MAMLD1: variants seen among roughly 807,000 people sequenced by gnomAD.
MAMLD1 encodes the protein mastermind like domain containing 1.
In MAMLD1, 14 loss-of-function variants were observed where a neutral mutation model predicts 45.0. That is an observed-to-expected ratio of 0.31 (90% CI 0.21 to 0.49). The LOEUF is 0.49. MAMLD1 is among the 20% of genes least tolerant of loss of function. The pLI, the probability that MAMLD1 is intolerant of heterozygous loss-of-function variation, is 0.99. For synonymous variants in MAMLD1, 254 were observed against 247.8 expected, an observed-to-expected ratio of 1.02 and a Z score of -0.24; for missense variants, 543 against 603.6, an observed-to-expected ratio of 0.90 and a Z score of 1.05.
rs1382710466 is a variant in MAMLD1, at chrX:150,404,066, A to AGGAG, written c.-64+40546_-64+40549dup. ...GGAAGGAAGGAAAGGAAGGAAGGAA[A>AGGAG]GGAGGGAGGGAGGAAAAGGTAGGAA... On this transcript the variant is annotated intron_variant, in intron 1 of 7. Coordinates refer to ENST00000370401, the MANE Select transcript of MAMLD1 (RefSeq NM_005491.5). 6.4e-4 allele frequency among the ~76,000 whole-genome samples: 43 copies of AGGAG among 66,979 alleles called. No homozygotes were observed. The East Asian group carries it at 0.013, about 20-fold the overall frequency. The allele number at this position is 66,979 out of a possible 115,157, so 58.2% of individuals were successfully genotyped here.
At chrX:150,406,270 G>T (rs2033994999) in intron 1 of MAMLD1, among the ~76,000 whole-genome samples, 1 of 109,450 alleles carries the variant, frequency 9.1e-6, no homozygotes, top group African/African-American at 3.3e-5. Context: ...AAGGGTAAAA[G>T]CCTCACCCCC....
At chrX:150,494,561 A>G (rs1557408142) in intron 5 of MAMLD1, among the ~76,000 whole-genome samples, 1 of 111,286 alleles carries the variant, frequency 9.0e-6, no homozygotes, top group African/African-American at 3.3e-5. Context: ...AATAGACTTA[A>G]ACTTGTAATT....
chrX:150,375,470 G>T (rs1464368927), intron 1 of MAMLD1, among the ~76,000 whole-genome samples: 1 of 112,547 alleles, frequency 8.9e-6, no homozygotes, highest in African/African-American at 3.2e-5. Flanking sequence ...GTTCCAAAGT[G>T]GAGGCTGCCA....
intron 1 of MAMLD1, among the ~76,000 whole-genome samples, chrX:150,385,712 G>A (rs991087692): frequency 9.0e-6 from 1 of 111,201 alleles, no homozygotes; most frequent in Non-Finnish European, 1.9e-5. Flanking sequence ...GGAAGAGGAG[G>A]CAGGAGAGGC....
chrX:150,476,517 C>T (rs13441186), intron 5 of MAMLD1, among the ~76,000 whole-genome samples: 3 of 111,642 alleles, frequency 2.7e-5, no homozygotes, highest in Admixed American at 1.9e-4. Flanking sequence ...CCTCAGTGCA[C>T]GTGCATTTGA....
intron 5 of MAMLD1, among the ~76,000 whole-genome samples, chrX:150,489,769 A>G (rs1164256537): frequency 9.1e-6 from 1 of 110,114 alleles, no homozygotes; most frequent in Non-Finnish European, 1.9e-5. Flanking sequence ...GCCAAAAGTC[A>G]GGCACCCGTA....
chrX:150,453,953 C>T (rs2035756138), intron 2 of MAMLD1, among the ~76,000 whole-genome samples: 2 of 112,438 alleles, frequency 1.8e-5, no homozygotes, highest in Admixed American at 9.4e-5. Context: ...TGTTCACTTA[C>T]CGTTTGTCCT....
At chrX:150,385,718 G>C (rs2032895502) in intron 1 of MAMLD1, among the ~76,000 whole-genome samples, 1 of 111,241 alleles carries the variant, frequency 9.0e-6, no homozygotes, top group African/African-American at 3.3e-5. Context: ...GGAGGCAGGA[G>C]AGGCAGGCCC....
Position 150,384,396 on chromosome X carries a change from G to A in MAMLD1, c.-64+20866G>A, listed in dbSNP as rs782617261. Among the ~76,000 whole-genome samples, 4 of 111,580 alleles carry A rather than the reference G, an allele frequency of 3.6e-5. 1 individual carries two copies. In the South Asian group the frequency reaches 1.5e-3, roughly 42 times the overall value. On this transcript the variant is annotated intron_variant, in intron 1 of 7. Transcript: ENST00000370401. ...GAGCATCTTTTCACGTGCTTTATTG[G>A]CCATTTGTATATCTTCTTTGGAGAA...
chrX:150,403,510 T>G (rs2033873914), intron 1 of MAMLD1, among the ~76,000 whole-genome samples: 1 of 111,897 alleles, frequency 8.9e-6, no homozygotes, highest in African/African-American at 3.3e-5. Context: ...ATCATATTTT[T>G]GTACTCAGTT....
Position 150,470,054 on chromosome X carries a change from C to T in MAMLD1, c.481C>T (p.Pro161Ser), listed in dbSNP as rs2148298852. ...TEVGLKGPTV[P>S]YYEKINSVPA... The stretch of plus-strand genomic sequence containing the variant: ...AGTGGGACTGAAAGGGCCCACTGTT[C>T]CTTACTATGAGAAAATCAACAGCGT... Residue 161 changes from proline (P) to serine (S), a missense_variant, in exon 4 of 8, where the codon CCT becomes TCT. Coordinates refer to ENST00000370401, the MANE Select transcript of MAMLD1 (RefSeq NM_005491.5). 1 of 1,211,705 alleles carries T rather than the reference C, an allele frequency of 8.3e-7. No individual in the cohort carries two copies. Among genetic ancestry groups the T allele is most frequent in the Non-Finnish European group, 1.1e-6 (1 of 895,452 alleles).
chrX:150,511,318 G>A (rs941763368), intron 7 of MAMLD1, among the ~76,000 whole-genome samples: 22 of 111,731 alleles, frequency 2.0e-4, no homozygotes, highest in African/African-American at 5.2e-4. Context: ...CTTCTGCTCC[G>A]TGTCTCTCCA....
intron 1 of MAMLD1, among the ~76,000 whole-genome samples, chrX:150,438,917 C>T (rs1325415691): frequency 1.8e-5 from 2 of 111,323 alleles, no homozygotes; most frequent in Non-Finnish European, 3.8e-5. Flanking sequence ...TTTGAGAGAC[C>T]GCCAAACTGT....
intron 7 of MAMLD1, among the ~76,000 whole-genome samples, chrX:150,511,147 C>T (rs1212444181): frequency 8.9e-6 from 1 of 112,030 alleles, no homozygotes; most frequent in East Asian, 2.8e-4. Context: ...GTCTCCCCTA[C>T]CTGACCTTGG....
Position 150,473,757 on chromosome X carries a change from T to C in MAMLD1, c.1995T>C (p.Thr665=). The C allele has an allele frequency of 8.3e-7, 1 of 1,208,183 alleles. No homozygotes were observed. The change falls in exon 5 of 8, where the codon ACT becomes ACC. Residue 665 remains threonine, a synonymous_variant. Coordinates refer to ENST00000370401, the MANE Select transcript of MAMLD1 (RefSeq NM_005491.5). ...KPQHQHGNSF[T]SRQDPQPGDV... is the part of the protein sequence containing the mutation. ...AGCATCAACACGGGAACTCTTTCAC[T>C]AGCAGGCAAGATCCTCAGCCTGGAG...
At chrX:150,367,564 T>C (rs2031567450) in intron 1 of MAMLD1, among the ~76,000 whole-genome samples, 1 of 111,795 alleles carries the variant, frequency 8.9e-6, no homozygotes. Flanking sequence ...GTAAAACCTT[T>C]TTTTATTATT....
In MAMLD1 at chrX:150,503,275, C is replaced by G. The variant is rs1386032288; in HGVS notation, c.2042C>G (p.Thr681Ser). ...QPGDVSPSNI[T>S]HVDKACKLGE... ...GGATTGTTCAATCGGTTGTTGTAGA[C>G]TCATGTAGACAAAGCCTGCAAGCTT... The change falls in exon 6 of 8, where the codon ACT becomes AGT. Residue 681 changes from threonine (T) to serine (S), a missense_variant and splice_region_variant. Transcript: ENST00000370401. The G allele has an allele frequency of 2.5e-6, 3 of 1,208,837 alleles. No individual in the cohort carries two copies. Among genetic ancestry groups the G allele is most frequent in the Non-Finnish European group, 3.4e-6 (3 of 893,411 alleles).
chrX:150,436,473 C>G (rs1188594521), intron 1 of MAMLD1, among the ~76,000 whole-genome samples: 1 of 111,951 alleles, frequency 8.9e-6, no homozygotes, highest in African/African-American at 3.2e-5. Flanking sequence ...AGCCAGTCTT[C>G]AAGCTCTGAG....
intron 1 of MAMLD1, among the ~76,000 whole-genome samples, chrX:150,441,857 T>A (rs1315692167): frequency 9.0e-6 from 1 of 111,541 alleles, no homozygotes; most frequent in Non-Finnish European, 1.9e-5. Context: ...AGTTGTTCTA[T>A]CAGTTGTTGA....
Sources: gnomAD v4.1 joint callset for allele counts (sites outside exome capture counted in the v4.1 genomes callset) on GRCh38, gnomAD v4.1.1 for gene constraint, MANE v1.5 for transcripts, NCBI Gene and HGNC (gene_info 2026-07-23, HGNC 2026-07-21) for gene names.